Variants in ARHGAP24 observed in about 807,000 individuals in gnomAD.
ARHGAP24 encodes rho GTPase-activating protein 24.
In ARHGAP24, 50 loss-of-function variants were observed where a neutral mutation model predicts 76.4. That is an observed-to-expected ratio of 0.65 (90% CI 0.52 to 0.83). The LOEUF (loss-of-function observed/expected upper bound fraction) is 0.83. Ranked by LOEUF, ARHGAP24 falls within the 40% of genes least tolerant of loss-of-function variation. The pLI, the probability that ARHGAP24 is intolerant of heterozygous loss-of-function variation, is 0.00. For synonymous variants in ARHGAP24, 345 were observed against 323.3 expected (o/e 1.07, Z -0.72); for missense variants, 930 against 914.2 (o/e 1.02, Z -0.22).
intron 1 of ARHGAP24, among the ~76,000 whole-genome samples, chr4:85,564,924 GTATATATATATATATATA>G (rs3028011): frequency 0.027 from 1,417 of 53,264 alleles, 38 homozygotes; most frequent in Middle Eastern, 0.068. Flanking sequence ...AACACACACG[GTATATATATATATATATA>G]TATATATATA....
At chr4:85,870,960 G>C (rs1352526940) in intron 3 of ARHGAP24, among the ~76,000 whole-genome samples, 1 of 152,094 alleles carries the variant, frequency 6.6e-6, no homozygotes, top group Non-Finnish European at 1.5e-5. Context: ...TTGTATTTCT[G>C]TTTGCTGACC....
chr4:85,817,358 T>C (rs1319004942), intron 3 of ARHGAP24, among the ~76,000 whole-genome samples: 1 of 152,202 alleles, frequency 6.6e-6, no homozygotes, highest in African/African-American at 2.4e-5. Flanking sequence ...TCAAAATGCT[T>C]TTTTCACATG....
intron 8 of ARHGAP24, among the ~76,000 whole-genome samples, chr4:85,982,477 A>G (rs938975935): frequency 6.6e-6 from 1 of 152,086 alleles, no homozygotes; most frequent in Admixed American, 6.5e-5. Context: ...AGGTCTCCCC[A>G]TTCCCTGGGA....
At chr4:85,786,778 T>C (rs1243107246) in intron 3 of ARHGAP24, among the ~76,000 whole-genome samples, 1 of 152,228 alleles carries the variant, frequency 6.6e-6, no homozygotes, top group Admixed American at 6.5e-5. Context: ...CTCATATACA[T>C]GGCTGGCTTC....
At chr4:85,788,165 T>A (rs1727944018) in intron 3 of ARHGAP24, among the ~76,000 whole-genome samples, 1 of 152,140 alleles carries the variant, frequency 6.6e-6, no homozygotes, top group African/African-American at 2.4e-5. Context: ...CAGGAGATGA[T>A]GACCACAGAC....
chr4:85,818,720 A>T (rs1240697043), intron 3 of ARHGAP24, among the ~76,000 whole-genome samples: 1 of 152,110 alleles, frequency 6.6e-6, no homozygotes, highest in Non-Finnish European at 1.5e-5. Context: ...GATAATATAT[A>T]TTTTCATTGG....
chr4:85,500,652 A>G (rs191675203), intron 1 of ARHGAP24, among the ~76,000 whole-genome samples: 8 of 152,342 alleles, frequency 5.3e-5, no homozygotes, highest in African/African-American at 1.9e-4. Flanking sequence ...ATTAAGCAAT[A>G]ACTATGAATC....
At chr4:85,805,833 C>G (rs554733113) in intron 3 of ARHGAP24, among the ~76,000 whole-genome samples, 1 of 152,290 alleles carries the variant, frequency 6.6e-6, no homozygotes, top group African/African-American at 2.4e-5. Flanking sequence ...TGCCTAAACC[C>G]TTGGCAATTG....
At chr4:85,686,991 C>A (rs1213700618) in intron 2 of ARHGAP24, among the ~76,000 whole-genome samples, 1 of 151,982 alleles carries the variant, frequency 6.6e-6, no homozygotes, top group Non-Finnish European at 1.5e-5. Flanking sequence ...CCAGGTGTCA[C>A]CCCTTGTCAA....
chr4:85,939,102 C>T (rs796284306), intron 4 of ARHGAP24, among the ~76,000 whole-genome samples: 8 of 152,258 alleles, frequency 5.3e-5, no homozygotes, highest in African/African-American at 1.9e-4. Context: ...GCTTCAAGCT[C>T]CTCCTCCTTA....
At chr4:85,866,717 A>T (rs1364441481) in intron 3 of ARHGAP24, among the ~76,000 whole-genome samples, 1 of 151,752 alleles carries the variant, frequency 6.6e-6, no homozygotes, top group African/African-American at 2.4e-5. Context: ...TCACACCCAC[A>T]CCTCCCTTCC....
At chr4:85,642,915 C>T (rs1337370725) in intron 2 of ARHGAP24, among the ~76,000 whole-genome samples, 1 of 152,140 alleles carries the variant, frequency 6.6e-6, no homozygotes, top group East Asian at 1.9e-4. Flanking sequence ...AGGCACTTCA[C>T]TTTCTGGCTC....
intron 2 of ARHGAP24, among the ~76,000 whole-genome samples, chr4:85,576,134 A>C (rs796133784): frequency 5.3e-5 from 8 of 152,344 alleles, no homozygotes; most frequent in African/African-American, 1.9e-4. Context: ...TTGCTGATTT[A>C]AGAGTAAGCT....
intron 3 of ARHGAP24, among the ~76,000 whole-genome samples, chr4:85,849,748 G>T (rs948750464): frequency 1.3e-5 from 2 of 152,048 alleles, no homozygotes; most frequent in African/African-American, 2.4e-5. Flanking sequence ...GATGGATTAC[G>T]TTTATTGATT....
chr4:85,979,590 C>G (rs1460027624), intron 8 of ARHGAP24, among the ~76,000 whole-genome samples: 1 of 152,078 alleles, frequency 6.6e-6, no homozygotes, highest in Non-Finnish European at 1.5e-5. Context: ...TTGTGACTGG[C>G]TTATTTCACT....
intron 3 of ARHGAP24, among the ~76,000 whole-genome samples, chr4:85,842,214 A>T (rs1478376851): frequency 6.6e-6 from 1 of 152,224 alleles, no homozygotes; most frequent in African/African-American, 2.4e-5. Flanking sequence ...GGGAAGTAGT[A>T]GATGGGAGTT....
At chr4:85,853,717 G>T (rs1731378420) in intron 3 of ARHGAP24, among the ~76,000 whole-genome samples, 1 of 152,090 alleles carries the variant, frequency 6.6e-6, no homozygotes, top group Non-Finnish European at 1.5e-5. Flanking sequence ...ACAAGCTCAA[G>T]AGATCAAGAC....
chr4:85,745,209 C>G (rs1725980772), intron 3 of ARHGAP24, among the ~76,000 whole-genome samples: 1 of 151,508 alleles, frequency 6.6e-6, no homozygotes, highest in South Asian at 2.1e-4. Context: ...GAGGCCGTGG[C>G]AGGAGAAACA....
At chr4:85,684,344 C>A (rs928245801) in intron 2 of ARHGAP24, among the ~76,000 whole-genome samples, 1 of 152,034 alleles carries the variant, frequency 6.6e-6, no homozygotes, top group Non-Finnish European at 1.5e-5. Context: ...GTTTTGATTT[C>A]TATTTCTCTG....
Sources: gnomAD v4.1 joint callset for allele counts (sites outside exome capture counted in the v4.1 genomes callset) on GRCh38, gnomAD v4.1.1 for gene constraint, MANE v1.5 for transcripts, NCBI Gene and HGNC (gene_info 2026-07-23, HGNC 2026-07-21) for gene names.